The following GPATCH8 variants were observed in gnomAD, a reference collection of about 807,000 sequenced individuals.
GPATCH8 encodes G-patch domain containing 8, also known as G patch domain-containing protein 8.
Under a neutral mutation model 118.3 loss-of-function variants are expected in GPATCH8, and 18 were observed. The ratio of observed to expected loss-of-function variants is 0.15; its 90% CI spans 0.11 to 0.23. The LOEUF (loss-of-function observed/expected upper bound fraction) is 0.23. GPATCH8 is among the 10% of genes least tolerant of loss of function. The pLI is 1.00. For synonymous variants in GPATCH8, 659 were observed against 684.7 expected, an observed-to-expected ratio of 0.96 and a Z score of 0.59; for missense variants, 1,631 against 1,873.8, an observed-to-expected ratio of 0.87 and a Z score of 2.39.
At position 44,395,628 on chromosome 17, in the gene GPATCH8, A is replaced by G. The variant is rs1567912520; in HGVS notation, c.*1940T>C. ...AGTTATCCAAGAAGTGATGCTTCTG[A>G]ATCAGATGAGTACTGAACAGGTAGG... is the stretch of plus-strand genomic sequence containing the variant. On this transcript the variant is annotated 3_prime_UTR_variant, in exon 8 of 8. Coordinates refer to ENST00000591680, the MANE Select transcript of GPATCH8 (RefSeq NM_001002909.4). 2 of 454,218 alleles carry G rather than the reference A, an allele frequency of 4.4e-6. No homozygotes were observed. The highest frequency in any genetic ancestry group is 8.8e-6 in the Non-Finnish European group (2 of 226,778). The allele number at this position is 454,218 out of a possible 1,614,324, so 28.1% of individuals were successfully genotyped here.
rs144199022 is a variant in GPATCH8, at chr17:44,426,662, A to G, written c.349-2170T>C. On this transcript the variant is annotated intron_variant, in intron 5 of 7. Coordinates refer to ENST00000591680, the MANE Select transcript of GPATCH8 (RefSeq NM_001002909.4). Reference sequence around the variant, plus strand: ...ATGCTCACTAAAGGAAGATCCACTCAACTACACAGGACAAGAAAGGGCACA... The same window carrying G: ...ATGCTCACTAAAGGAAGATCCACTCGACTACACAGGACAAGAAAGGGCACA... 2.4e-3 allele frequency among the ~76,000 whole-genome samples: 358 copies of G among 151,708 alleles called. 4 individuals are homozygous for G. The highest frequency in any genetic ancestry group is 8.0e-3 in the African/African-American group (332 of 41,368).
At chr17:44,491,086 G>C (rs1969209373) in intron 1 of GPATCH8, among the ~76,000 whole-genome samples, 1 of 152,164 alleles carries the variant, frequency 6.6e-6, no homozygotes, top group Non-Finnish European at 1.5e-5. Context: ...GAATTATTAG[G>C]ACAAGTCAAA....
chr17:44,497,552 C>A (rs1257451599), intron 1 of GPATCH8, among the ~76,000 whole-genome samples: 2 of 152,010 alleles, frequency 1.3e-5, no homozygotes, highest in Non-Finnish European at 2.9e-5. Context: ...CGCGTCACTG[C>A]ACTCCAGCCT....
intron 6 of GPATCH8, among the ~76,000 whole-genome samples, chr17:44,410,413 C>A (rs1412495278): frequency 6.6e-6 from 1 of 152,292 alleles, no homozygotes; most frequent in East Asian, 1.9e-4. Flanking sequence ...AAATTCCATA[C>A]CATACACAAA....
At chr17:44,476,194 A>AGCCAC (rs1246197052) in intron 1 of GPATCH8, among the ~76,000 whole-genome samples, 1 of 151,720 alleles carries the variant, frequency 6.6e-6, no homozygotes, top group African/African-American at 2.4e-5. Context: ...ACAAACAAAG[A>AGCCAC]GCCACGCTGT....
chr17:44,448,777 A>T (rs564009663), intron 3 of GPATCH8, among the ~76,000 whole-genome samples: 6 of 122,324 alleles, frequency 4.9e-5, no homozygotes, highest in African/African-American at 6.4e-5. Context: ...CTAAGACTAT[A>T]AAAAAAAAAA....
chr17:44,492,660 C>T (rs528023441), intron 1 of GPATCH8, among the ~76,000 whole-genome samples: 3 of 152,160 alleles, frequency 2.0e-5, no homozygotes, highest in South Asian at 2.1e-4. Context: ...TAAATATCTT[C>T]GAAATGTCTT....
At chr17:44,475,116 C>T (rs747268942) in intron 1 of GPATCH8, among the ~76,000 whole-genome samples, 47 of 152,188 alleles carry the variant, frequency 3.1e-4, no homozygotes, top group Non-Finnish European at 5.3e-4. Flanking sequence ...TGGTGGCTCA[C>T]GCCTGTAATC....
chr17:44,499,712 T>C (rs1969920128), intron 1 of GPATCH8, among the ~76,000 whole-genome samples: 1 of 152,226 alleles, frequency 6.6e-6, no homozygotes, highest in Non-Finnish European at 1.5e-5. Context: ...TTATCTTAAG[T>C]TATACATTTT....
chr17:44,477,713 A>T (rs1054765438), intron 1 of GPATCH8, among the ~76,000 whole-genome samples: 2 of 152,182 alleles, frequency 1.3e-5, no homozygotes, highest in African/African-American at 4.8e-5. Context: ...AGACAAAAAA[A>T]AAAAGGACTT....
At chr17:44,404,285 G>A (rs1490122582) in intron 7 of GPATCH8, among the ~76,000 whole-genome samples, 1 of 150,458 alleles carries the variant, frequency 6.6e-6, no homozygotes, top group Non-Finnish European at 1.5e-5. Flanking sequence ...CTACAGGCAT[G>A]TGCCACCATG....
chr17:44,466,106 C>G (rs1047036899), intron 2 of GPATCH8, among the ~76,000 whole-genome samples: 1 of 152,058 alleles, frequency 6.6e-6, no homozygotes, highest in Admixed American at 6.6e-5. Flanking sequence ...CAGCCTTGAC[C>G]TCCTGGGCTC....
At chr17:44,479,871 G>A (rs927487362) in intron 1 of GPATCH8, among the ~76,000 whole-genome samples, 5 of 151,930 alleles carry the variant, frequency 3.3e-5, no homozygotes, top group Non-Finnish European at 5.9e-5. Context: ...GGAGGCTGAG[G>A]CTGGAGAACT....
intron 1 of GPATCH8, among the ~76,000 whole-genome samples, chr17:44,497,115 C>G (rs2144497674): frequency 1.3e-5 from 2 of 152,152 alleles, no homozygotes; most frequent in Middle Eastern, 6.8e-3. Flanking sequence ...GCAAAAGTAC[C>G]AAGTTGTTTC....
rs1402990956 is a variant in GPATCH8 at position 44,496,616 on chromosome 17, T to C, written c.45+6710A>G. ...CTATCACAAGAAGAATTAAAGCAAATGGCAGGATACTCCTGTTTTGCTCAC... is the reference window on the plus strand; with the variant it reads ...CTATCACAAGAAGAATTAAAGCAAACGGCAGGATACTCCTGTTTTGCTCAC... On this transcript the variant is annotated intron_variant, in intron 1 of 7. Coordinates refer to ENST00000591680, the MANE Select transcript of GPATCH8 (RefSeq NM_001002909.4). 3.3e-5 allele frequency among the ~76,000 whole-genome samples: 5 copies of C among 152,274 alleles called. No homozygotes were observed. The South Asian group carries it at 6.2e-4, about 19-fold the overall frequency.
At chr17:44,429,649 A>AACAC (rs144232073) in intron 5 of GPATCH8, among the ~76,000 whole-genome samples, 6,363 of 125,654 alleles carry the variant, frequency 0.051, 387 homozygotes, top group African/African-American at 0.14. Context: ...GTCTCTACTA[A>AACAC]ACACACACAC....
intron 1 of GPATCH8, among the ~76,000 whole-genome samples, chr17:44,490,000 C>T (rs573738533): frequency 1.3e-5 from 2 of 152,154 alleles, no homozygotes; most frequent in South Asian, 4.1e-4. Flanking sequence ...CAAACCACTT[C>T]GAGAATAAAA....
At chr17:44,450,649 G>A (rs1054794685) in intron 3 of GPATCH8, among the ~76,000 whole-genome samples, 18 of 152,072 alleles carry the variant, frequency 1.2e-4, no homozygotes, top group African/African-American at 4.1e-4. Flanking sequence ...CCATTGTTTT[G>A]AATTTTGGTG....
chr17:44,442,184 T>C (rs1160290309), intron 3 of GPATCH8, among the ~76,000 whole-genome samples: 1 of 143,396 alleles, frequency 7.0e-6, no homozygotes, highest in Non-Finnish European at 1.5e-5. Flanking sequence ...TTCAAGGCAC[T>C]GTTCTGGGCA....
Sources: allele counts gnomAD v4.1 joint callset (sites outside exome capture counted in the v4.1 genomes callset), GRCh38; gene constraint gnomAD v4.1.1; transcripts MANE v1.5; gene names NCBI Gene and HGNC (gene_info 2026-07-23, HGNC 2026-07-21).